The following PODN variants were observed in gnomAD, a reference collection of about 807,000 sequenced individuals.
PODN encodes podocan, also known as podocan proteoglycan.
Under a neutral mutation model 52.7 loss-of-function variants are expected in PODN, and 40 were observed. The ratio of observed to expected loss-of-function variants is 0.76; its 90% CI spans 0.59 to 0.99. PODN has a LOEUF of 0.99. PODN is among the 50% of genes least tolerant of loss of function. The pLI is 0.00. For synonymous variants in PODN, 396 were observed against 377.9 expected (o/e 1.05, Z -0.56); for missense variants, 720 against 815.1 (o/e 0.88, Z 1.42).
rs1206399318 is a variant in PODN, at chr1:53,063,375, G to A, written c.-56+1067G>A. Reference sequence around the variant, plus strand: ...TTCGATTACCGGCTGGCCAGGGAAGGGGAAGCTGTGGTCTGCCCTGCTCCA... The same window carrying A: ...TTCGATTACCGGCTGGCCAGGGAAGAGGAAGCTGTGGTCTGCCCTGCTCCA... On this transcript the variant is annotated intron_variant, in intron 1 of 10. Transcript: ENST00000312553. 4.1e-6 allele frequency: 4 copies of A among 985,806 alleles called. No homozygotes were observed. The East Asian group carries it at 4.5e-4, about 112-fold the overall frequency. 61.1% of individuals were successfully genotyped at this position (985,806 alleles called of 1,614,324 possible).
rs772071448 is a variant in PODN, at chr1:53,070,142, A to C, written c.287A>C (p.Glu96Ala). The stretch of plus-strand genomic sequence containing the variant: ...CGTGAGTTCCCGGGGGACCTGCCTG[A>C]GCACACCAACCACCTATCTCTGCAG... ...DLREFPGDLP[E>A]HTNHLSLQNN... The change falls in exon 2 of 11, where the codon GAG becomes GCG. Residue 96 changes from glutamate (E) to alanine (A), a missense_variant. Physicochemically the swap from Glu to Ala is moderately radical, Grantham distance 107. Transcript: ENST00000312553. 6.2e-7 allele frequency: 1 copy of C among 1,610,140 alleles called. No individual in the cohort carries two copies. Among genetic ancestry groups the C allele is most frequent in the East Asian group, 2.2e-5 (1 of 44,862 alleles).
chr1:53,074,399 T>G (rs75166253), intron 3 of PODN, among the ~76,000 whole-genome samples: 12,672 of 152,202 alleles, frequency 0.083, 1,053 homozygotes, highest in East Asian at 0.25. Flanking sequence ...CAGTAGACAA[T>G]AACTGCCTGC....
intron 1 of PODN, among the ~76,000 whole-genome samples, chr1:53,064,859 T>G (rs1333387131): frequency 6.6e-6 from 1 of 152,180 alleles, no homozygotes; most frequent in East Asian, 1.9e-4. Flanking sequence ...GCAGTCAGAA[T>G]TGGAACCCAT....
chr1:53,069,671 G>A, intron 1 of PODN, 130 bp from the exon 2 acceptor site: 1 of 1,333,698 alleles, frequency 7.5e-7, no homozygotes, highest in Non-Finnish European at 9.9e-7. Flanking sequence ...TGGGGGTTGG[G>A]CAGGTGCGGA....
intron 8 of PODN, among the ~76,000 whole-genome samples, chr1:53,079,423 GTTCGGGTGGT>G: frequency 6.6e-6 from 1 of 152,352 alleles, no homozygotes; most frequent in Admixed American, 6.5e-5. Context: ...CCGGGGGCCA[GTTCGGGTGGT>G]ATGTATGGGA....
intron 1 of PODN, among the ~76,000 whole-genome samples, chr1:53,065,399 A>G (rs1557645635): frequency 1.3e-5 from 2 of 151,916 alleles, no homozygotes; most frequent in African/African-American, 4.8e-5. Flanking sequence ...CAGATGGGTC[A>G]GTGGTATGGC....
chr1:53,070,070 G>A lies in PODN; in HGVS notation c.215G>A (p.Cys72Tyr), dbSNP rs749137508. 32 of 1,612,970 alleles carry A rather than the reference G, an allele frequency of 2.0e-5. No individual in the cohort carries two copies. Among genetic ancestry groups the A allele is most frequent in the Non-Finnish European group, 2.6e-5 (31 of 1,180,020 alleles). ...GCCGCGGTCAGCTGCCCCCGAGACT[G>A]TGCCTGTTCCCAGGAGGGCGTCGTG... ...GPAAVSCPRD[C>Y]ACSQEGVVDC... Residue 72 changes from cysteine (C) to tyrosine (Y), a missense_variant, in exon 2 of 11, where the codon TGT becomes TAT. Cys to Tyr is a radical substitution (Grantham distance 194, BLOSUM62 -2). Transcript: ENST00000312553.
chr1:53,076,798 T>C (rs1425493177), intron 5 of PODN, among the ~76,000 whole-genome samples: 4 of 152,276 alleles, frequency 2.6e-5, no homozygotes, highest in Non-Finnish European at 5.9e-5. Context: ...CAGGCAGAGA[T>C]AGGCCCTGTG....
intron 2 of PODN, chr1:53,071,133 C>T (rs116560171): frequency 0.027 from 4,212 of 158,858 alleles, 210 homozygotes; most frequent in African/African-American, 0.096. Context: ...CCCAGCTTTC[C>T]ATTCATTCTA....
intron 1 of PODN, among the ~76,000 whole-genome samples, chr1:53,068,263 T>C (rs1360877904): frequency 6.6e-6 from 1 of 152,180 alleles, no homozygotes; most frequent in East Asian, 1.9e-4. Flanking sequence ...GTCATTAACA[T>C]CATTGTCAAG....
chr1:53,078,428 G>C lies in PODN; in HGVS notation c.918G>C (p.Gly306=), dbSNP rs750120240. 8 of 1,613,542 alleles carry C rather than the reference G, an allele frequency of 5.0e-6. No homozygotes were observed. Among genetic ancestry groups the C allele is most frequent in the Non-Finnish European group, 2.5e-6 (3 of 1,180,032 alleles). ...SSNNLSRVPA[G]LPRSLVLLHL... ...ACAACCTGTCTCGGGTCCCAGCTGGGCTGCCGCGCAGCCTGGTGCTGCTGC... is the reference window on the plus strand; with the variant it reads ...ACAACCTGTCTCGGGTCCCAGCTGGCCTGCCGCGCAGCCTGGTGCTGCTGC... Residue 306 remains glycine, a synonymous_variant, in exon 8 of 11, where the codon GGG becomes GGC. Transcript: ENST00000312553.
At chr1:53,075,711 G>T in intron 4 of PODN, 151 bp from the exon 5 acceptor site, 1 of 647,952 alleles carries the variant, frequency 1.5e-6, no homozygotes. Flanking sequence ...TTTTGTTTTT[G>T]CAGAGGGGGT....
At chr1:53,074,793 GACATGGCCCTGGGTC>G in intron 4 of PODN, 123 bp downstream of exon 4, 4 of 672,546 alleles carry the variant, frequency 5.9e-6, no homozygotes, top group Admixed American at 2.2e-5. Context: ...TTGCTGCTCA[GACATGGCCCTGGGTC>G]GGGGGTGGGG....
chr1:53,077,640 C>T (rs12745973), intron 6 of PODN, 45 bp from the exon 7 acceptor site: 238,646 of 1,554,304 alleles, frequency 0.15, 19,361 homozygotes, highest in Middle Eastern at 0.23. Flanking sequence ...TGACCTTGCC[C>T]TCGGCCCTCC....
At position 53,069,879 on chromosome 1, in the gene PODN, G is replaced by C. The variant is rs1644087952; in HGVS notation, c.24G>C (p.Leu8=). MAQSRVL[L]LLLLLPPQLH... is the part of the protein sequence containing the mutation. ...CCATGGCCCAGAGCCGGGTGCTGCT[G>C]CTCCTGCTGCTGCTGCCGCCACAGC... is the stretch of plus-strand genomic sequence containing the variant. Residue 8 remains leucine, a synonymous_variant, in exon 2 of 11, where the codon CTG becomes CTC. Coordinates refer to ENST00000312553, the MANE Select transcript of PODN (RefSeq NM_153703.5). 1 of 1,566,668 alleles carries C rather than the reference G, an allele frequency of 6.4e-7. No individual in the cohort carries two copies. The highest frequency in any genetic ancestry group is 1.8e-4 in the Middle Eastern group (1 of 5,528).
intron 1 of PODN, among the ~76,000 whole-genome samples, chr1:53,068,999 A>G (rs1243926354): frequency 1.3e-5 from 2 of 152,194 alleles, no homozygotes; most frequent in Non-Finnish European, 2.9e-5. Context: ...GGGCAGCAGC[A>G]GCTGTAGTCG....
Position 53,078,773 on chromosome 1 carries a change from G to T in PODN, c.1263G>T (p.Val421=), listed in dbSNP as rs778992872. The change falls in exon 8 of 11, where the codon GTG becomes GTT. Residue 421 remains valine (V), a synonymous_variant. Coordinates refer to ENST00000312553, the MANE Select transcript of PODN (RefSeq NM_153703.5). ...LSYNRITSPQ[V]HRDAFRKLRL... The stretch of plus-strand genomic sequence containing the variant: ...ACAACCGCATCACCAGCCCGCAGGT[G>T]CACCGCGACGCCTTCCGCAAGCTGC... The T allele has an allele frequency of 6.2e-7, 1 of 1,613,264 alleles. No individual in the cohort carries two copies. The highest frequency in any genetic ancestry group is 8.5e-7 in the Non-Finnish European group (1 of 1,179,952).
At chr1:53,069,597 G>A (rs1531702) in intron 1 of PODN, among the ~76,000 whole-genome samples, 7,395 of 152,332 alleles carry the variant, frequency 0.049, 283 homozygotes, top group East Asian at 0.2. Context: ...GGCTGCAGAA[G>A]GTTTTGCAGA....
At chr1:53,082,923 C>T (rs551018595) in intron 10 of PODN, among the ~76,000 whole-genome samples, 120 of 152,294 alleles carry the variant, frequency 7.9e-4, no homozygotes, top group African/African-American at 2.7e-3. Context: ...CCCACGTATA[C>T]GGGCCCTTAC....
Sources: gnomAD v4.1 joint callset for allele counts (sites outside exome capture counted in the v4.1 genomes callset) on GRCh38, gnomAD v4.1.1 for gene constraint, MANE v1.5 for transcripts, NCBI Gene and HGNC (gene_info 2026-07-23, HGNC 2026-07-21) for gene names.